Variants in CNTNAP2 observed in about 807,000 individuals in gnomAD.
CNTNAP2 encodes contactin-associated protein-like 2.
In CNTNAP2, 98 loss-of-function variants were observed where a neutral mutation model predicts 155.2. The ratio of observed to expected loss-of-function variants is 0.63; its 90% CI spans 0.54 to 0.75. CNTNAP2 has a LOEUF of 0.75. Among genes scored for constraint, CNTNAP2 ranks in the 30% least tolerant of loss-of-function variants. The pLI is 0.00. For synonymous variants in CNTNAP2, 651 were observed against 631.2 expected (o/e 1.03, Z -0.47); for missense variants, 1,727 against 1,688.1 (o/e 1.02, Z -0.40).
At chr7:147,488,546 A>ATT (rs34680301) in intron 11 of CNTNAP2, among the ~76,000 whole-genome samples, 5 of 140,590 alleles carry the variant, frequency 3.6e-5, no homozygotes, top group African/African-American at 1.4e-4. Context: ...TTTAAATAGT[A>ATT]TTTTTTTTTA....
chr7:147,225,368 C>T (rs916419333), intron 8 of CNTNAP2, among the ~76,000 whole-genome samples: 13 of 152,164 alleles, frequency 8.5e-5, no homozygotes, highest in South Asian at 8.3e-4. Context: ...AAAATATTTT[C>T]GTTCTAGCTA....
In CNTNAP2 at chr7:147,647,811, A is replaced by G. The variant is rs1795391913; in HGVS notation, c.2098+8505A>G. On this transcript the variant is annotated intron_variant, in intron 13 of 23. Coordinates refer to ENST00000361727, the MANE Select transcript of CNTNAP2 (RefSeq NM_014141.6). ...AGTAGGAAGAAAGAATCAGATTAGG[A>G]AAGTCCTATAATTGGGAAGCTAAGG... Among the ~76,000 whole-genome samples the G allele has an allele frequency of 2.6e-5, 4 of 152,236 alleles. No individual in the cohort carries two copies. The South Asian group carries it at 8.3e-4, about 31-fold the overall frequency.
chr7:147,092,944 C>T (rs1246408788), intron 4 of CNTNAP2, among the ~76,000 whole-genome samples: 4 of 152,122 alleles, frequency 2.6e-5, no homozygotes, highest in African/African-American at 4.8e-5. Context: ...GGGGTATGGC[C>T]GGGCGCGGTG....
chr7:147,292,960 G>GT (rs1197263478), intron 8 of CNTNAP2, among the ~76,000 whole-genome samples: 1 of 152,092 alleles, frequency 6.6e-6, no homozygotes, highest in African/African-American at 2.4e-5. Flanking sequence ...TAGAGACGGG[G>GT]TTTCACCATG....
At chr7:147,436,741 T>C (rs1797553430) in intron 10 of CNTNAP2, among the ~76,000 whole-genome samples, 1 of 152,186 alleles carries the variant, frequency 6.6e-6, no homozygotes, top group Non-Finnish European at 1.5e-5. Flanking sequence ...ACAGATGAAG[T>C]AAATTTTCTC....
chr7:147,019,631 C>T (rs1422460560), intron 3 of CNTNAP2, among the ~76,000 whole-genome samples: 1 of 152,010 alleles, frequency 6.6e-6, no homozygotes, highest in Non-Finnish European at 1.5e-5. Flanking sequence ...CTCAATGACC[C>T]TTCTGCCTAT....
At chr7:147,519,182 A>C (rs1799186117) in intron 11 of CNTNAP2, among the ~76,000 whole-genome samples, 2 of 152,094 alleles carry the variant, frequency 1.3e-5, no homozygotes, top group Non-Finnish European at 2.9e-5. Context: ...ATCAACAGGA[A>C]CGCATTCCTC....
chr7:147,899,056 C>G (rs1799818368), intron 13 of CNTNAP2, among the ~76,000 whole-genome samples: 1 of 151,228 alleles, frequency 6.6e-6, no homozygotes, highest in Non-Finnish European at 1.5e-5. Context: ...GTAGTCAAAT[C>G]CAGCTGAATG....
intron 1 of CNTNAP2, among the ~76,000 whole-genome samples, chr7:146,168,189 A>G (rs1355441618): frequency 1.3e-5 from 2 of 152,122 alleles, no homozygotes; most frequent in African/African-American, 4.8e-5. Context: ...TCCTTTGGCA[A>G]CAGACACACC....
intron 1 of CNTNAP2, among the ~76,000 whole-genome samples, chr7:146,480,519 T>C (rs987805534): frequency 5.3e-5 from 8 of 151,876 alleles, no homozygotes; most frequent in African/African-American, 1.9e-4. Flanking sequence ...TGGTGATCTA[T>C]TCATAAAGAA....
chr7:146,451,884 TATAC>T (rs967347928), intron 1 of CNTNAP2, among the ~76,000 whole-genome samples: 9 of 68,546 alleles, frequency 1.3e-4, no homozygotes, highest in African/African-American at 5.1e-4. Flanking sequence ...TATATACACA[TATAC>T]ATATATTTAT....
intron 21 of CNTNAP2, among the ~76,000 whole-genome samples, chr7:148,283,259 GA>G (rs371469453): frequency 2.6e-5 from 1 of 39,144 alleles, no homozygotes; most frequent in African/African-American, 1.3e-4. Context: ...AAAAAAAAAA[GA>G]AAGAAAGAAA....
intron 15 of CNTNAP2, among the ~76,000 whole-genome samples, chr7:148,028,593 T>G (rs769819566): frequency 2.6e-5 from 4 of 152,206 alleles, no homozygotes; most frequent in Admixed American, 6.5e-5. Context: ...ATACATATGT[T>G]GTATACTTCT....
At chr7:146,381,050 G>C (rs1036720607) in intron 1 of CNTNAP2, among the ~76,000 whole-genome samples, 3 of 151,278 alleles carry the variant, frequency 2.0e-5, no homozygotes, top group Non-Finnish European at 2.9e-5. Context: ...CGCCCGCCTC[G>C]GCCTCCCAAA....
intron 1 of CNTNAP2, among the ~76,000 whole-genome samples, chr7:146,480,089 C>T (rs1461739913): frequency 6.6e-6 from 1 of 152,080 alleles, no homozygotes; most frequent in African/African-American, 2.4e-5. Context: ...CTGGTTTTTC[C>T]ACCAAAGTAG....
intron 13 of CNTNAP2, among the ~76,000 whole-genome samples, chr7:147,652,336 C>G (rs1479879258): frequency 6.6e-6 from 1 of 152,106 alleles, no homozygotes; most frequent in Non-Finnish European, 1.5e-5. Flanking sequence ...TAAAAACATG[C>G]TCAGGTATTT....
chr7:146,824,559 G>A (rs1563247282), intron 2 of CNTNAP2, among the ~76,000 whole-genome samples: 1 of 152,110 alleles, frequency 6.6e-6, no homozygotes, highest in Non-Finnish European at 1.5e-5. Context: ...GTTGTTTCCT[G>A]ACTTTTTAAT....
At chr7:146,834,931 A>G (rs1803587408) in intron 2 of CNTNAP2, among the ~76,000 whole-genome samples, 1 of 152,164 alleles carries the variant, frequency 6.6e-6, no homozygotes, top group Non-Finnish European at 1.5e-5. Context: ...CCCGAATTGC[A>G]TTGCTTGATA....
Position 147,336,701 on chromosome 7 carries a change from A to G in CNTNAP2, c.1498+36411A>G, listed in dbSNP as rs200618163. Among the ~76,000 whole-genome samples, 13 of 152,260 alleles carry G rather than the reference A, an allele frequency of 8.5e-5. No homozygotes were observed. The East Asian group carries it at 1.5e-3, about 18-fold the overall frequency. ...ATGATTAGAGTCCAGGACATTAAAT[A>G]TCTAGTTCAGTCCTCTTTCCACTGT... On this transcript the variant is annotated intron_variant, in intron 9 of 23. Transcript: ENST00000361727.
Sources: gnomAD v4.1 joint callset for allele counts (sites outside exome capture counted in the v4.1 genomes callset) on GRCh38, gnomAD v4.1.1 for gene constraint, MANE v1.5 for transcripts, NCBI Gene and HGNC (gene_info 2026-07-23, HGNC 2026-07-21) for gene names.